The following PCGF5 variants were observed in gnomAD, a reference collection of about 807,000 sequenced individuals.
PCGF5 encodes polycomb group RING finger protein 5.
A neutral mutation model predicts 44.3 loss-of-function variants in PCGF5; 9 were observed. That is an observed-to-expected ratio of 0.20 (90% CI 0.12 to 0.35). The LOEUF is 0.35. Among genes scored for constraint, PCGF5 ranks in the 10% least tolerant of loss-of-function variants. The pLI is 1.00. For synonymous variants in PCGF5, 95 were observed against 102.5 expected, an observed-to-expected ratio of 0.93 and a Z score of 0.44; for missense variants, 146 against 305.3, an observed-to-expected ratio of 0.48 and a Z score of 3.89.
rs1362557256 is a variant in PCGF5, at chr10:91,283,724, GCTTTC to G, written c.*5411_*5415del. On this transcript the variant is annotated 3_prime_UTR_variant, in exon 10 of 10. Coordinates refer to ENST00000336126, the MANE Select transcript of PCGF5 (RefSeq NM_032373.5). Reference sequence around the variant, plus strand: ...GTTGGGGGAGTACCAGGGTTCTGCTGCTTTCCTGCATCTGAGCAACACAACAGAGA... The same window carrying G: ...GTTGGGGGAGTACCAGGGTTCTGCTGCTGCATCTGAGCAACACAACAGAGA... The G allele has an allele frequency of 2.0e-5, 3 of 152,204 alleles. No homozygotes were observed. The highest frequency in any genetic ancestry group is 7.2e-5 in the African/African-American group (3 of 41,440). The allele number at this position is 152,204 out of a possible 1,614,324, so 9.4% of individuals were successfully genotyped here. A position where few individuals can be genotyped will look rare whatever the true frequency, so the allele number is the denominator to read the frequency against.
At chr10:91,236,472 T>C (rs1236020115) in intron 2 of PCGF5, among the ~76,000 whole-genome samples, 1 of 152,210 alleles carries the variant, frequency 6.6e-6, no homozygotes, top group Non-Finnish European at 1.5e-5. Flanking sequence ...GGCTATAGAA[T>C]CTGTGTGGAG....
At chr10:91,268,036 T>C (rs566647969) in intron 8 of PCGF5, among the ~76,000 whole-genome samples, 1 of 152,198 alleles carries the variant, frequency 6.6e-6, no homozygotes, top group Non-Finnish European at 1.5e-5. Context: ...GTATTGAATA[T>C]TGAATAATCC....
At chr10:91,156,571 A>G in the PCGF5 span, among the ~76,000 whole-genome samples, 1 of 152,224 alleles carries the variant, frequency 6.6e-6, no homozygotes, top group Non-Finnish European at 1.5e-5. Flanking sequence ...CAATCAGAGA[A>G]TAAATCTTTG....
At chr10:91,212,911 G>C (rs1456052421) in intron 1 of PCGF5, among the ~76,000 whole-genome samples, 3 of 152,066 alleles carry the variant, frequency 2.0e-5, no homozygotes, top group African/African-American at 7.2e-5. Context: ...TCATCTTCAT[G>C]GTAGAAACTA....
intron 8 of PCGF5, 148 bp from the exon 9 acceptor site, chr10:91,271,490 A>G: frequency 1.7e-6 from 1 of 590,774 alleles, no homozygotes; most frequent in Non-Finnish European, 2.8e-6. Context: ...CTTTTTTTCA[A>G]AAACAACCAC....
chr10:91,203,844 A>G (rs1844296540), intron 1 of PCGF5, among the ~76,000 whole-genome samples: 1 of 152,206 alleles, frequency 6.6e-6, no homozygotes, highest in Admixed American at 6.5e-5. Context: ...TATATATTTA[A>G]AAGTTTTAAA....
rs567654103 is a variant in PCGF5, at chr10:91,261,436, A to G, written c.573+12A>G. On this transcript the variant is annotated intron_variant, in intron 7 of 9. Coordinates refer to ENST00000336126, the MANE Select transcript of PCGF5 (RefSeq NM_032373.5). ...CAAGTTCTTATGAGGTAAGTTAAATAATATCTAAGCTTGATCATTTTGATA... is the reference window on the plus strand; with the variant it reads ...CAAGTTCTTATGAGGTAAGTTAAATGATATCTAAGCTTGATCATTTTGATA... The G allele has an allele frequency of 2.1e-5, 30 of 1,438,024 alleles. No individual in the cohort carries two copies. The highest frequency in any genetic ancestry group is 2.8e-5 in the Non-Finnish European group (30 of 1,077,954). The allele number at this position is 1,438,024 out of a possible 1,614,324, so 89.1% of individuals were successfully genotyped here. A position where few individuals can be genotyped will look rare whatever the true frequency, so the allele number is the denominator to read the frequency against.
At chr10:91,274,061 TG>T (rs935524800) in intron 9 of PCGF5, among the ~76,000 whole-genome samples, 1 of 152,012 alleles carries the variant, frequency 6.6e-6, no homozygotes, top group Non-Finnish European at 1.5e-5. Context: ...CCACATTTTT[TG>T]CCTCCTCTTC....
At chr10:91,261,142 G>A (rs1845899339) in intron 6 of PCGF5, among the ~76,000 whole-genome samples, 184 bp from the exon 7 acceptor site, 1 of 152,032 alleles carries the variant, frequency 6.6e-6, no homozygotes. Flanking sequence ...TGTCATGTAA[G>A]TATCCAATAA....
At chr10:91,227,417 T>C (rs878891903) in intron 2 of PCGF5, 9 of 1,289,592 alleles carry the variant, frequency 7.0e-6, no homozygotes, top group South Asian at 1.2e-5. Flanking sequence ...TCAAATGGGA[T>C]GCCAGCACTC....
intron 6 of PCGF5, among the ~76,000 whole-genome samples, chr10:91,260,354 C>T (rs375564267): frequency 3.1e-4 from 47 of 152,190 alleles, no homozygotes; most frequent in African/African-American, 6.5e-4. Flanking sequence ...ACTTTTACAC[C>T]GTTGGTGGGA....
intron 1 of PCGF5, among the ~76,000 whole-genome samples, chr10:91,212,872 TA>T (rs1844478600): frequency 6.6e-6 from 1 of 152,212 alleles, no homozygotes; most frequent in South Asian, 2.1e-4. Flanking sequence ...CCTCTCTTTG[TA>T]AAGATCTGAA....
chr10:91,271,632 C>G lies in PCGF5; in HGVS notation c.664-6C>G, dbSNP rs780277805. The G allele has an allele frequency of 6.2e-7, 1 of 1,613,358 alleles. No homozygotes were observed. The highest frequency in any genetic ancestry group is 8.5e-7 in the Non-Finnish European group (1 of 1,179,430). On this transcript the variant is annotated splice_polypyrimidine_tract_variant and splice_region_variant and intron_variant, in intron 8 of 9. Transcript: ENST00000336126. Reference sequence around the variant, plus strand: ...CTCTTATCTGATGAGTTCATCTCCTCCGCAGTTTCGGTGTCTGAACTGCTC... The same window carrying G: ...CTCTTATCTGATGAGTTCATCTCCTGCGCAGTTTCGGTGTCTGAACTGCTC...
Position 91,283,558 on chromosome 10 carries a change from A to C in PCGF5, c.*5242A>C, listed in dbSNP as rs990893328. 4 of 151,940 alleles carry C rather than the reference A, an allele frequency of 2.6e-5. No individual in the cohort carries two copies. Among genetic ancestry groups the C allele is most frequent in the African/African-American group, 9.7e-5 (4 of 41,342 alleles). 9.4% of individuals were successfully genotyped at this position (151,940 alleles called of 1,614,324 possible). A position where few individuals can be genotyped will look rare whatever the true frequency, so the allele number is the denominator to read the frequency against. On this transcript the variant is annotated 3_prime_UTR_variant, in exon 10 of 10. Transcript: ENST00000336126. Reference sequence around the variant, plus strand: ...TTTATTTATCCATCCTCTGCACATCAGTCCACTGGAGCAGGAGTTCTACAC... The same window carrying C: ...TTTATTTATCCATCCTCTGCACATCCGTCCACTGGAGCAGGAGTTCTACAC...
chr10:91,181,734 G>A (rs2133193232), intron 1 of PCGF5, among the ~76,000 whole-genome samples: 1 of 152,312 alleles, frequency 6.6e-6, no homozygotes. Context: ...GATGGTGGCA[G>A]ATAAGCTTTC....
In PCGF5 at chr10:91,240,373, A is replaced by G. The variant is rs1189405081; in HGVS notation, c.113-111A>G. On this transcript the variant is annotated intron_variant, in intron 2 of 9. Coordinates refer to ENST00000336126, the MANE Select transcript of PCGF5 (RefSeq NM_032373.5). The stretch of plus-strand genomic sequence containing the variant: ...GTTTTTGAAGCTTAATTAAATAATG[A>G]TATTCTACTTGTAGTAGGTAGTTTT... The G allele has an allele frequency of 2.9e-5, 18 of 628,706 alleles. No homozygotes were observed. In the South Asian group the frequency reaches 3.2e-4, roughly 11 times the overall value. 38.9% of individuals were successfully genotyped at this position (628,706 alleles called of 1,614,324 possible).
At chr10:91,202,761 T>C (rs1844276046) in intron 1 of PCGF5, among the ~76,000 whole-genome samples, 1 of 152,238 alleles carries the variant, frequency 6.6e-6, no homozygotes, top group South Asian at 2.1e-4. Context: ...GGGCAAGGGG[T>C]AGTTAGGCGA....
chr10:91,234,526 G>T (rs912705157), intron 2 of PCGF5, among the ~76,000 whole-genome samples: 1 of 152,126 alleles, frequency 6.6e-6, no homozygotes, highest in African/African-American at 2.4e-5. Flanking sequence ...TGGCGGCAGG[G>T]AATTAATACC....
intron 1 of PCGF5, among the ~76,000 whole-genome samples, chr10:91,176,644 A>G (rs1489332074): frequency 1.3e-5 from 2 of 151,934 alleles, no homozygotes; most frequent in Admixed American, 1.3e-4. Context: ...TTCTCGCTTC[A>G]TTTCATTCAT....
Sources: gnomAD v4.1 joint callset for allele counts (sites outside exome capture counted in the v4.1 genomes callset) on GRCh38, gnomAD v4.1.1 for gene constraint, MANE v1.5 for transcripts, NCBI Gene and HGNC (gene_info 2026-07-23, HGNC 2026-07-21) for gene names.